The following FLNB variants were observed in gnomAD, a reference collection of about 807,000 sequenced individuals.
FLNB encodes the protein filamin B.
Under a neutral mutation model 250.6 loss-of-function variants are expected in FLNB, and 111 were observed. The observed-to-expected ratio is 0.44, with a 90% CI of 0.38 to 0.52. The LOEUF (loss-of-function observed/expected upper bound fraction) is 0.52. Among genes scored for constraint, FLNB ranks in the 20% least tolerant of loss-of-function variants. The pLI is 0.00. For missense variants in FLNB, 2,869 were observed against 3,447.8 expected, an observed-to-expected ratio of 0.83 and a Z score of 4.20; for synonymous variants, 1,302 against 1,372.1, an observed-to-expected ratio of 0.95 and a Z score of 1.13.
intron 1 of FLNB, among the ~76,000 whole-genome samples, chr3:58,036,082 T>C (rs1054847879): frequency 6.6e-5 from 10 of 152,210 alleles, no homozygotes; most frequent in African/African-American, 2.2e-4. Flanking sequence ...TGGCTGTAAA[T>C]GCTGCTGATT....
In FLNB at chr3:58,102,298, G is replaced by C. The variant is rs1489838299; in HGVS notation, c.1441G>C (p.Ala481Pro). The C allele has an allele frequency of 6.2e-7, 1 of 1,614,108 alleles. No individual in the cohort carries two copies. Among genetic ancestry groups the C allele is most frequent in the African/African-American group, 1.3e-5 (1 of 74,938 alleles). The part of the protein sequence containing the change: ...ETTDFKVDTK[A>P]AGSGELGVTM... ...CACAGATTTCAAGGTTGACACCAAA[G>C]CTGCAGGAAGTGGGGAGCTCGGTGT... is the stretch of plus-strand genomic sequence containing the variant. Residue 481 changes from alanine to proline, a missense_variant, in exon 9 of 46, where the codon GCT becomes CCT. This residue lies in a region of FLNB where 1,348 missense variants were observed against 1,466.7 expected (regional missense o/e 0.92). Coordinates refer to ENST00000295956, the MANE Select transcript of FLNB (RefSeq NM_001457.4).
intron 4 of FLNB, among the ~76,000 whole-genome samples, chr3:58,084,396 T>G (rs1037878675): frequency 5.9e-5 from 9 of 152,162 alleles, no homozygotes; most frequent in Non-Finnish European, 1.0e-4. Flanking sequence ...TCACTGGCCA[T>G]CCGGCTTCCC....
At chr3:58,025,056 A>C (rs1311226601) in intron 1 of FLNB, among the ~76,000 whole-genome samples, 153 of 85,678 alleles carry the variant, frequency 1.8e-3, no homozygotes, top group African/African-American at 2.6e-3. Flanking sequence ...GCCCTCCCTC[A>C]CCCTTTCTTT....
intron 38 of FLNB, chr3:58,152,829 A>T: frequency 9.8e-7 from 1 of 1,020,594 alleles, no homozygotes; most frequent in Non-Finnish European, 1.3e-6. Context: ...TCACCACGGC[A>T]GTGCAGGCAC....
rs575792838 is a variant in FLNB, at chr3:58,135,928, G to A, written c.4672-51G>A. The A allele has an allele frequency of 5.7e-6, 9 of 1,585,016 alleles. 1 individual carries two copies. In the African/African-American group the frequency reaches 1.2e-4, roughly 21 times the overall value. ...AAATATGTCAGGGTTTTCCATGAAT[G>A]TTTTCTACATCTTGACAACATCCTA... On this transcript the variant is annotated intron_variant, in intron 27 of 45. Coordinates refer to ENST00000295956, the MANE Select transcript of FLNB (RefSeq NM_001457.4).
intron 38 of FLNB, chr3:58,150,551 T>C: frequency 2.6e-6 from 1 of 379,942 alleles, no homozygotes; most frequent in Admixed American, 3.9e-5. Context: ...GTGAAAGAAC[T>C]GGCCCTGCCG....
In FLNB at chr3:58,121,433, C is replaced by T. The variant is rs1239578740; in HGVS notation, c.3056C>T (p.Thr1019Ile). The T allele has an allele frequency of 1.2e-6, 2 of 1,614,024 alleles. No homozygotes were observed. Residue 1019 changes from threonine to isoleucine, a missense_variant, in exon 20 of 46, where the codon ACC becomes ATC. By Grantham distance (89) the Thr-to-Ile change is moderately conservative. Coordinates refer to ENST00000295956, the MANE Select transcript of FLNB (RefSeq NM_001457.4). ...REEGLYAVDV[T>I]YDGHPVPGSP... ...GAGGGGCTGTATGCTGTAGACGTGA[C>T]CTACGATGGACACCCTGTGCCCGGG...
intron 29 of FLNB, among the ~76,000 whole-genome samples, chr3:58,140,127 C>G (rs933606944): frequency 5.9e-5 from 9 of 152,210 alleles, no homozygotes; most frequent in Non-Finnish European, 1.2e-4. Flanking sequence ...GACTGACTGA[C>G]TGTTCATTGG....
rs558307408 is a variant in FLNB, at chr3:58,010,946, T to C, written c.292+2090T>C. Among the ~76,000 whole-genome samples the C allele has an allele frequency of 5.3e-5, 8 of 152,232 alleles. No homozygotes were observed. In the South Asian group the frequency reaches 1.5e-3, roughly 28 times the overall value. On this transcript the variant is annotated intron_variant, in intron 1 of 45. Coordinates refer to ENST00000295956, the MANE Select transcript of FLNB (RefSeq NM_001457.4). ...ACCGCCCCGCCTGGAGATGGAGCCT[T>C]GCTCTGTCTCCAGGCTGGAGTACAA...
chr3:58,076,036 A>G (rs985626363), intron 1 of FLNB, among the ~76,000 whole-genome samples: 3 of 152,172 alleles, frequency 2.0e-5, no homozygotes, highest in African/African-American at 7.2e-5. Flanking sequence ...AGGACTAGAA[A>G]GGGGCCATGA....
intron 39 of FLNB, chr3:58,154,567 G>A: frequency 2.2e-6 from 1 of 456,428 alleles, no homozygotes; most frequent in Non-Finnish European, 4.0e-6. Flanking sequence ...AAAAAGACAT[G>A]TCTTCAGAGG....
At position 58,078,835 on chromosome 3, in the gene FLNB, T is replaced by A. The variant is rs768946230; in HGVS notation, c.639+21T>A. 4.4e-6 allele frequency: 7 copies of A among 1,588,254 alleles called. No homozygotes were observed. In the African/African-American group the frequency reaches 9.4e-5, roughly 21 times the overall value. ...CACAGGTATGCACAAGTGTGCCAGG[T>A]CCTGTGAGGCTGCCCCCACCCACTA... On this transcript the variant is annotated intron_variant, in intron 3 of 45. Transcript: ENST00000295956.
chr3:58,137,714 C>T (rs948177376), intron 28 of FLNB, among the ~76,000 whole-genome samples: 1 of 152,230 alleles, frequency 6.6e-6, no homozygotes, highest in Non-Finnish European at 1.5e-5. Context: ...TAACAGCACC[C>T]ATCCTTCAGG....
intron 4 of FLNB, among the ~76,000 whole-genome samples, chr3:58,082,898 C>T (rs1367733893): frequency 6.6e-6 from 1 of 152,018 alleles, no homozygotes; most frequent in African/African-American, 2.4e-5. Context: ...TTTCTCTTGC[C>T]CTTTGTGTGT....
rs911988856 is a variant in FLNB at position 58,136,094 on chromosome 3, G to C, written c.4787G>C (p.Gly1596Ala). The C allele has an allele frequency of 6.2e-7, 1 of 1,614,210 alleles. No homozygotes were observed. Among genetic ancestry groups the C allele is most frequent in the African/African-American group, 1.3e-5 (1 of 75,068 alleles). Reference protein sequence around the residue: ...GRYMIGVTYGGDDIPLSPYRI... With the variant: ...GRYMIGVTYGADDIPLSPYRI... ...TATATGATTGGAGTCACCTACGGGG[G>C]TGACGACATCCCACTTTCTCCTTAT... The change falls in exon 28 of 46, where the codon GGT becomes GCT. Residue 1596 changes from glycine (G) to alanine (A), a missense_variant. Coordinates refer to ENST00000295956, the MANE Select transcript of FLNB (RefSeq NM_001457.4).
chr3:58,157,412 A>G (rs2097354976), intron 41 of FLNB, among the ~76,000 whole-genome samples: 1 of 152,168 alleles, frequency 6.6e-6, no homozygotes, highest in African/African-American at 2.4e-5. Flanking sequence ...TGAGATTCTA[A>G]TCTTACTCTG....
intron 1 of FLNB, among the ~76,000 whole-genome samples, chr3:58,039,794 A>G (rs2097143464): frequency 2.0e-5 from 3 of 152,292 alleles, no homozygotes; most frequent in African/African-American, 7.2e-5. Context: ...TGGGGAGGGT[A>G]GCACTAGTGT....
At chr3:58,113,761 C>T (rs940736687) in intron 18 of FLNB, among the ~76,000 whole-genome samples, 1 of 152,196 alleles carries the variant, frequency 6.6e-6, no homozygotes, top group Non-Finnish European at 1.5e-5. Flanking sequence ...TCACTGCAAC[C>T]TCTGCCTCCC....
At chr3:58,146,515 G>A (rs1018314804) in intron 33 of FLNB, among the ~76,000 whole-genome samples, 7 of 152,254 alleles carry the variant, frequency 4.6e-5, no homozygotes, top group Non-Finnish European at 7.4e-5. Flanking sequence ...ACCACCCACC[G>A]TCTCCTATGT....
Sources: allele counts gnomAD v4.1 joint callset (sites outside exome capture counted in the v4.1 genomes callset), GRCh38; gene constraint gnomAD v4.1.1; regional missense constraint gnomAD v4.1.1; transcripts MANE v1.5; gene names NCBI Gene and HGNC (gene_info 2026-07-23, HGNC 2026-07-21).